Variants in TMEM108 observed in about 807,000 individuals in gnomAD.
TMEM108 encodes transmembrane protein 108, also known as cancer/testis antigen 124.
A neutral mutation model predicts 35.1 loss-of-function variants in TMEM108; 12 were observed. The observed-to-expected ratio is 0.34, with a 90% CI of 0.22 to 0.55. The LOEUF (loss-of-function observed/expected upper bound fraction) is 0.55. Among genes scored for constraint, TMEM108 ranks in the 20% least tolerant of loss-of-function variants. The pLI, the probability that TMEM108 is intolerant of heterozygous loss-of-function variation, is 0.89. For synonymous variants in TMEM108, 287 were observed against 308.6 expected, an observed-to-expected ratio of 0.93 and a Z score of 0.73; for missense variants, 680 against 753.3, an observed-to-expected ratio of 0.90 and a Z score of 1.14.
intron 3 of TMEM108, among the ~76,000 whole-genome samples, chr3:133,305,528 AAAT>A (rs1024061975): frequency 6.6e-6 from 1 of 151,626 alleles, no homozygotes; most frequent in Non-Finnish European, 1.5e-5. Flanking sequence ...ATAAATAAAT[AAAT>A]AAATAAAAGA....
At chr3:133,150,341 G>GT (rs769195402) in intron 2 of TMEM108, among the ~76,000 whole-genome samples, 2 of 48,676 alleles carry the variant, frequency 4.1e-5, no homozygotes, top group Non-Finnish European at 8.4e-5. Flanking sequence ...CAGGTTATTT[G>GT]GTTTTTTTTT....
intron 2 of TMEM108, among the ~76,000 whole-genome samples, chr3:133,189,961 G>A (rs988242545): frequency 2.0e-5 from 3 of 152,072 alleles, no homozygotes; most frequent in Admixed American, 6.6e-5. Context: ...TGGACATTTT[G>A]GGACCATCAA....
At chr3:133,141,986 G>T (rs1944647991) in intron 2 of TMEM108, among the ~76,000 whole-genome samples, 1 of 152,158 alleles carries the variant, frequency 6.6e-6, no homozygotes, top group African/African-American at 2.4e-5. Flanking sequence ...GGGGAGAAGA[G>T]GGGCAGGCTG....
chr3:133,040,804 A>G (rs1485229374), intron 1 of TMEM108, among the ~76,000 whole-genome samples: 1 of 152,194 alleles, frequency 6.6e-6, no homozygotes, highest in East Asian at 1.9e-4. Context: ...ATAAAAGCCC[A>G]CTAGTGTTGC....
intron 2 of TMEM108, among the ~76,000 whole-genome samples, chr3:133,073,492 C>A (rs571754139): frequency 2.3e-5 from 2 of 87,908 alleles, no homozygotes; most frequent in African/African-American, 1.1e-4. Context: ...TATTCTCTCT[C>A]TCTCTCTCTC....
At chr3:133,310,703 G>T (rs2071117347) in intron 3 of TMEM108, among the ~76,000 whole-genome samples, 1 of 151,578 alleles carries the variant, frequency 6.6e-6, no homozygotes, top group South Asian at 2.1e-4. Flanking sequence ...CTTTTAATTG[G>T]GGCATTTAGT....
chr3:133,078,178 CGT>C (rs1478023927), intron 2 of TMEM108, among the ~76,000 whole-genome samples: 3 of 123,368 alleles, frequency 2.4e-5, no homozygotes, highest in Admixed American at 1.6e-4. Flanking sequence ...CGCGCGCACA[CGT>C]GTGTGTGTAT....
intron 4 of TMEM108, chr3:133,387,044 G>T: frequency 1.0e-6 from 1 of 985,704 alleles, no homozygotes; most frequent in Non-Finnish European, 1.2e-6. Flanking sequence ...TTGGATGAAA[G>T]GTGAGACCAC....
intron 2 of TMEM108, among the ~76,000 whole-genome samples, chr3:133,113,319 A>G (rs1372870492): frequency 6.6e-6 from 1 of 152,200 alleles, no homozygotes; most frequent in African/African-American, 2.4e-5. Context: ...CAACATTTGC[A>G]TTATACTTTA....
rs558224082 is a variant in TMEM108, at chr3:133,145,940, A to G, written c.-46-83326A>G. 4.3e-4 allele frequency among the ~76,000 whole-genome samples: 66 copies of G among 152,066 alleles called. 2 individuals are homozygous for G. The highest frequency in any genetic ancestry group is 6.6e-5 in the Admixed American group (1 of 15,266). ...AGACAGTTTGACTTCCTCTCTTCCT[A>G]TTTGAATACGCTTTATTTCTTTCTC... On this transcript the variant is annotated intron_variant, in intron 2 of 5. Coordinates refer to ENST00000321871, the MANE Select transcript of TMEM108 (RefSeq NM_023943.4).
chr3:133,349,028 T>C (rs1458466209), intron 3 of TMEM108, among the ~76,000 whole-genome samples: 1 of 152,054 alleles, frequency 6.6e-6, no homozygotes, highest in East Asian at 1.9e-4. Context: ...TATTAAAAAA[T>C]ACTCACAATA....
rs114219617 is a variant in TMEM108 at position 133,071,378 on chromosome 3, A to T, written c.-47+25358A>T. On this transcript the variant is annotated intron_variant, in intron 2 of 5. Transcript: ENST00000321871. ...TTCCCTGTATATATGTCTGTGTCAA[A>T]ATTTCTTCCTCTTATGAGAACACCA... Among the ~76,000 whole-genome samples the T allele has an allele frequency of 4.5e-3, 690 of 152,114 alleles. 13 individuals carry two copies. The highest frequency in any genetic ancestry group is 0.044 in the South Asian group (211 of 4,818).
rs191715827 is a variant in TMEM108 at position 133,350,762 on chromosome 3, A to G, written c.41-28990A>G. On this transcript the variant is annotated intron_variant, in intron 3 of 5. Transcript: ENST00000321871. ...GGAATGGGGGTGGAGGTGGAACTAC[A>G]GGTCAGAGAATTGGTTGAATGACTA... Among the ~76,000 whole-genome samples the G allele has an allele frequency of 3.0e-3, 450 of 152,258 alleles. 3 individuals carry two copies. Among genetic ancestry groups the G allele is most frequent in the African/African-American group, 0.011 (438 of 41,566 alleles).
intron 3 of TMEM108, among the ~76,000 whole-genome samples, chr3:133,374,512 G>A (rs1441452680): frequency 1.3e-5 from 2 of 149,564 alleles, no homozygotes; most frequent in Non-Finnish European, 3.0e-5. Context: ...GAGAAAGTGT[G>A]TATGTATATG....
intron 2 of TMEM108, among the ~76,000 whole-genome samples, chr3:133,113,430 C>T (rs1944249905): frequency 6.6e-6 from 1 of 152,002 alleles, no homozygotes; most frequent in Non-Finnish European, 1.5e-5. Context: ...TAAGTGGAAC[C>T]CTTCACCCAC....
chr3:133,099,358 G>T (rs1944057375), intron 2 of TMEM108, among the ~76,000 whole-genome samples: 1 of 152,196 alleles, frequency 6.6e-6, no homozygotes, highest in African/African-American at 2.4e-5. Context: ...GGGCTTCCAG[G>T]CCTGTGATGG....
intron 3 of TMEM108, among the ~76,000 whole-genome samples, chr3:133,232,417 T>G (rs185959298): frequency 1.2e-3 from 188 of 152,248 alleles, no homozygotes; most frequent in African/African-American, 4.2e-3. Context: ...CCCTTTACCT[T>G]CCACCACCAG....
chr3:133,058,363 G>A (rs1489885289), intron 2 of TMEM108, among the ~76,000 whole-genome samples: 1 of 152,234 alleles, frequency 6.6e-6, no homozygotes, highest in Non-Finnish European at 1.5e-5. Context: ...ACCTCTAAGG[G>A]TTTGCTCCTG....
chr3:133,076,557 A>G (rs1353999850), intron 2 of TMEM108, among the ~76,000 whole-genome samples: 1 of 152,206 alleles, frequency 6.6e-6, no homozygotes, highest in Non-Finnish European at 1.5e-5. Context: ...AAAATTGCAG[A>G]TGCAGTATGT....
Sources: gnomAD v4.1 joint callset for allele counts (sites outside exome capture counted in the v4.1 genomes callset) on GRCh38, gnomAD v4.1.1 for gene constraint, MANE v1.5 for transcripts, NCBI Gene and HGNC (gene_info 2026-07-23, HGNC 2026-07-21) for gene names.